The following OSBP2 variants were observed in gnomAD, a reference collection of about 807,000 sequenced individuals.
The protein encoded by OSBP2 is oxysterol binding protein 2.
In OSBP2, 66 loss-of-function variants were observed where a neutral mutation model predicts 96.0. That is an observed-to-expected ratio of 0.69 (90% CI 0.56 to 0.84). The LOEUF (loss-of-function observed/expected upper bound fraction) is 0.84, where lower values mean the gene tolerates loss of function less well. Ranked by LOEUF, OSBP2 falls within the 40% of genes least tolerant of loss-of-function variation. OSBP2 has a pLI of 0.00. For missense variants in OSBP2, 1,038 were observed against 1,222.7 expected (o/e 0.85, Z 2.25); for synonymous variants, 525 against 520.9 (o/e 1.01, Z -0.11).
At chr22:30,748,214 C>T (rs2090030590) in intron 2 of OSBP2, among the ~76,000 whole-genome samples, 1 of 151,720 alleles carries the variant, frequency 6.6e-6, no homozygotes, top group Admixed American at 6.6e-5. Context: ...ATGGAGTCCA[C>T]TCTGTCACCC....
chr22:30,734,481 T>C (rs747000029), intron 1 of OSBP2, among the ~76,000 whole-genome samples: 18 of 152,202 alleles, frequency 1.2e-4, no homozygotes, highest in Non-Finnish European at 1.9e-4. Context: ...ACTTTGCCAC[T>C]GTCTGGACTA....
intron 12 of OSBP2, chr22:30,902,614 C>A: frequency 5.9e-6 from 4 of 674,896 alleles, no homozygotes; most frequent in Non-Finnish European, 8.1e-6. Flanking sequence ...TTCCACGATC[C>A]AACATGGATT....
chr22:30,744,621 T>G (rs2089976384), intron 2 of OSBP2, among the ~76,000 whole-genome samples: 2 of 151,798 alleles, frequency 1.3e-5, no homozygotes, highest in African/African-American at 4.8e-5. Context: ...ATTAGCTGAG[T>G]GTGGTGGCGC....
rs2039440005 is a variant in OSBP2 at position 30,870,691 on chromosome 22, C to A, written c.1107+9C>A. Reference sequence around the variant, plus strand: ...CCAATGCTATGATCAACGTGAGTACCCACCCCCACCGCCCTGGCACGGGGC... The same window carrying A: ...CCAATGCTATGATCAACGTGAGTACACACCCCCACCGCCCTGGCACGGGGC... On this transcript the variant is annotated intron_variant, in intron 3 of 13. Transcript: ENST00000332585. This position sits in a 1 kb window ranked among gnomAD's most constrained non-coding sequence, Gnocchi z 4.1. 3 of 1,608,496 alleles carry A rather than the reference C, an allele frequency of 1.9e-6. No individual in the cohort carries two copies. The highest frequency in any genetic ancestry group is 2.6e-6 in the Non-Finnish European group (3 of 1,176,118).
At chr22:30,751,094 T>A (rs2090068755) in intron 2 of OSBP2, among the ~76,000 whole-genome samples, 1 of 152,162 alleles carries the variant, frequency 6.6e-6, no homozygotes, top group Non-Finnish European at 1.5e-5. Flanking sequence ...TAAATCTACC[T>A]GTAACCTGGA....
chr22:30,874,135 G>A (rs1013112299), intron 3 of OSBP2, among the ~76,000 whole-genome samples: 1 of 152,320 alleles, frequency 6.6e-6, no homozygotes, highest in African/African-American at 2.4e-5. Context: ...TACTTAGGAG[G>A]CTAAGACAGG....
chr22:30,895,306 T>G (rs942184267), intron 12 of OSBP2, among the ~76,000 whole-genome samples: 1 of 151,882 alleles, frequency 6.6e-6, no homozygotes. Context: ...TGAAGATAAA[T>G]TTCCCAAAGT....
At chr22:30,720,393 A>G (rs1426411622) in intron 1 of OSBP2, among the ~76,000 whole-genome samples, 4 of 152,186 alleles carry the variant, frequency 2.6e-5, no homozygotes, top group African/African-American at 7.2e-5. Context: ...ACGCCTGGCA[A>G]AATGGTGCAG....
chr22:30,697,658 A>T (rs758149029), intron 1 of OSBP2, among the ~76,000 whole-genome samples: 8 of 152,208 alleles, frequency 5.3e-5, no homozygotes, highest in Non-Finnish European at 8.8e-5. Flanking sequence ...TTGTGAAGAT[A>T]AATGCTAGTT....
chr22:30,713,682 C>G (rs1193940004), intron 1 of OSBP2, among the ~76,000 whole-genome samples: 2 of 152,098 alleles, frequency 1.3e-5, no homozygotes, highest in Non-Finnish European at 2.9e-5. Flanking sequence ...AGGCTGGTCT[C>G]TAACTCCTGG....
intron 1 of OSBP2, among the ~76,000 whole-genome samples, chr22:30,711,380 C>T (rs140052573): frequency 2.0e-5 from 3 of 151,680 alleles, no homozygotes; most frequent in African/African-American, 7.3e-5. Context: ...ATAAAGCAAA[C>T]AAACAATGTG....
intron 3 of OSBP2, among the ~76,000 whole-genome samples, chr22:30,877,785 C>A (rs1046234726): frequency 6.6e-6 from 1 of 152,212 alleles, no homozygotes; most frequent in Non-Finnish European, 1.5e-5. Flanking sequence ...TGACTCGACC[C>A]CCATTCCTGA....
chr22:30,754,682 T>C (rs2145761429), intron 2 of OSBP2, among the ~76,000 whole-genome samples: 1 of 152,310 alleles, frequency 6.6e-6, no homozygotes, highest in East Asian at 1.9e-4. Context: ...GGGAAGCCTG[T>C]GTGCTGTGCT....
At chr22:30,782,412 G>A (rs1448097916) in intron 2 of OSBP2, among the ~76,000 whole-genome samples, 1 of 151,866 alleles carries the variant, frequency 6.6e-6, no homozygotes, top group Non-Finnish European at 1.5e-5. Flanking sequence ...GGCTGGTCTC[G>A]AATTCCTGAC....
Position 30,902,760 on chromosome 22 carries a change from C to T in OSBP2, c.2376-3077C>T, listed in dbSNP as rs1365241760. On this transcript the variant is annotated intron_variant, in intron 12 of 13. Coordinates refer to ENST00000332585, the MANE Select transcript of OSBP2 (RefSeq NM_030758.4). The stretch of plus-strand genomic sequence containing the variant: ...GGGGTGCCAGACCCAGAGTGGAATT[C>T]GTTCACAAGGAGCAAGAATGAGCCT... 6.7e-6 allele frequency: 3 copies of T among 446,984 alleles called. No individual in the cohort carries two copies. In the East Asian group the frequency reaches 1.6e-4, roughly 24 times the overall value. The allele number at this position is 446,984 out of a possible 1,614,324, so 27.7% of individuals were successfully genotyped here.
At chr22:30,856,944 C>T (rs1276412075) in intron 2 of OSBP2, among the ~76,000 whole-genome samples, 1 of 152,138 alleles carries the variant, frequency 6.6e-6, no homozygotes, top group Admixed American at 6.5e-5. Context: ...TGCATTTTCT[C>T]CCTCTCGAGG....
intron 1 of OSBP2, among the ~76,000 whole-genome samples, chr22:30,706,919 G>A (rs1436527656): frequency 6.6e-6 from 1 of 152,066 alleles, no homozygotes; most frequent in Non-Finnish European, 1.5e-5. Flanking sequence ...CCTTCTTCTG[G>A]ATGCCTTTTT....
intron 12 of OSBP2, among the ~76,000 whole-genome samples, chr22:30,904,538 A>G (rs1014643360): frequency 6.6e-6 from 1 of 152,170 alleles, no homozygotes; most frequent in Non-Finnish European, 1.5e-5. Flanking sequence ...AAGTAAATCT[A>G]TGGATATGGT....
intron 1 of OSBP2, among the ~76,000 whole-genome samples, chr22:30,730,077 C>T (rs1451885447): frequency 1.3e-5 from 2 of 152,052 alleles, no homozygotes; most frequent in Admixed American, 6.6e-5. Context: ...ATTCTCGTGT[C>T]TCAGCCTTCC....
Sources: gnomAD v4.1 joint callset for allele counts (sites outside exome capture counted in the v4.1 genomes callset) on GRCh38, gnomAD v4.1.1 for gene constraint, Gnocchi (gnomAD v3.1) non-coding constraint, MANE v1.5 for transcripts, NCBI Gene and HGNC (gene_info 2026-07-23, HGNC 2026-07-21) for gene names.